Variants in SH2B1 observed in about 807,000 individuals in gnomAD.
The protein encoded by SH2B1 is SH2B adapter protein 1.
A neutral mutation model predicts 62.6 loss-of-function variants in SH2B1; 15 were observed. That is an observed-to-expected ratio of 0.24 (90% CI 0.16 to 0.37). The LOEUF (loss-of-function observed/expected upper bound fraction) is 0.37. SH2B1 is among the 10% of genes least tolerant of loss of function. The pLI is 1.00. For synonymous variants in SH2B1, 443 were observed against 438.0 expected, an observed-to-expected ratio of 1.01 and a Z score of -0.14; for missense variants, 925 against 1,015.6, an observed-to-expected ratio of 0.91 and a Z score of 1.21.
chr16:28,871,895 C>A lies in SH2B1; in HGVS notation c.1425C>A (p.Arg475=). ...TGCTTCCCCCAGAGTTGCCCCCCCG[C>A]ATCCCCATTGAAGAGGGACCCCCAA... ...MELLPPELPP[R]IPIEEGPPTG... Residue 475 remains arginine (R), a synonymous_variant, in exon 5 of 8, where the codon CGC becomes CGA. Coordinates refer to ENST00000684370, the MANE Select transcript of SH2B1 (RefSeq NM_001387430.1). The A allele has an allele frequency of 1.3e-6, 2 of 1,528,550 alleles. No individual in the cohort carries two copies. The highest frequency in any genetic ancestry group is 1.8e-6 in the Non-Finnish European group (2 of 1,102,906). 94.7% of individuals were successfully genotyped at this position (1,528,550 alleles called of 1,614,324 possible).
At chr16:28,857,420 G>A (rs915944493) in intron 1 of SH2B1, among the ~76,000 whole-genome samples, 1 of 151,714 alleles carries the variant, frequency 6.6e-6, no homozygotes, top group African/African-American at 2.4e-5. Flanking sequence ...GCGGGGGGGT[G>A]AAAGGGCAAA....
At chr16:28,852,749 CATATATATGTAT>C (rs1567459121) in intron 1 of SH2B1, among the ~76,000 whole-genome samples, 7 of 37,604 alleles carry the variant, frequency 1.9e-4, no homozygotes, top group South Asian at 2.1e-3. Flanking sequence ...TATATATTTA[CATATATATGTAT>C]ATATATATTT....
intron 2 of SH2B1, among the ~76,000 whole-genome samples, chr16:28,868,585 G>A (rs917453465): frequency 3.3e-5 from 5 of 151,632 alleles, no homozygotes; most frequent in African/African-American, 9.7e-5. Flanking sequence ...TCAGCCTCTC[G>A]AGTAGCTGGG....
upstream of SH2B1, chr16:28,862,490 G>A (rs961066646): frequency 6.6e-6 from 1 of 151,784 alleles, no homozygotes; most frequent in Non-Finnish European, 1.5e-5. Context: ...ATTGCAGATG[G>A]GGTTTCACCA....
At chr16:28,860,572 C>T (rs141727651), upstream of SH2B1, among the ~76,000 whole-genome samples, 176 of 152,146 alleles carry the variant, frequency 1.2e-3, 2 homozygotes, top group African/African-American at 4.1e-3. Flanking sequence ...TCCACTCATT[C>T]CTCAAACCAC....
At position 28,852,759 on chromosome 16, in the gene SH2B1, TATATATATATTTATATATATATTTAC is replaced by T. The variant is rs1567459144; in HGVS notation, c.-301+5941_-301+5966del. ...ACATATATATATTTACATATATATG[TATATATATATTTATATATATATTTAC>T]ATATATATTTACATATATATTTACA... is the stretch of plus-strand genomic sequence containing the variant. On this transcript the variant is annotated intron_variant, in intron 1 of 10. Transcript: ENST00000322610. Among the ~76,000 whole-genome samples the T allele has an allele frequency of 9.1e-4, 17 of 18,760 alleles. 2 individuals carry two copies. The South Asian group carries it at 0.037, about 41-fold the overall frequency. The allele number at this position is 18,760 out of a possible 152,430, so 12.3% of individuals were successfully genotyped here. A position where few individuals can be genotyped will look rare whatever the true frequency, so the allele number is the denominator to read the frequency against.
At chr16:28,852,300 T>A (rs1204790958) in intron 1 of SH2B1, among the ~76,000 whole-genome samples, 2 of 84,620 alleles carry the variant, frequency 2.4e-5, no homozygotes, top group African/African-American at 4.9e-5. Flanking sequence ...ATATATATAT[T>A]TACATATATA....
At chr16:28,871,674 G>A in intron 4 of SH2B1, 106 bp from the exon 5 acceptor site, 1 of 879,358 alleles carries the variant, frequency 1.1e-6, no homozygotes, top group Middle Eastern at 2.1e-4. Context: ...TGGCATCTTG[G>A]CCAGCGACTG....
At position 28,873,010 on chromosome 16, in the gene SH2B1, G is replaced by C; in HGVS notation, c.1897+305G>C. 1 of 645,858 alleles carries C rather than the reference G, an allele frequency of 1.5e-6. No individual in the cohort carries two copies. 40.0% of individuals were successfully genotyped at this position (645,858 alleles called of 1,614,324 possible). On this transcript the variant is annotated intron_variant, in intron 7 of 7. Transcript: ENST00000684370. This position sits in a 1 kb window ranked among gnomAD's most constrained non-coding sequence, Gnocchi z 4.2. ...TGTCTCCTGGACCCATCCTGGCCTC[G>C]TCTTTGCCCTCCGTCGCAGCCTGGC...
chr16:28,855,643 A>AT (rs760328836), intron 1 of SH2B1, among the ~76,000 whole-genome samples: 4 of 140,434 alleles, frequency 2.8e-5, no homozygotes, highest in African/African-American at 7.6e-5. Flanking sequence ...TTATTTATTT[A>AT]TTTATTTTTT....
In SH2B1 at chr16:28,852,501, TA is replaced by T. The variant is rs1247194253; in HGVS notation, c.-301+5675del. Among the ~76,000 whole-genome samples the T allele has an allele frequency of 3.0e-5, 2 of 67,210 alleles. 1 individual carries two copies. The highest frequency in any genetic ancestry group is 9.0e-4 in the East Asian group (2 of 2,210). The allele number at this position is 67,210 out of a possible 152,430, so 44.1% of individuals were successfully genotyped here. A position where few individuals can be genotyped will look rare whatever the true frequency, so the allele number is the denominator to read the frequency against. On this transcript the variant is annotated intron_variant, in intron 1 of 10. Coordinates refer to the SH2B1 transcript ENST00000322610. ...ATATTTATATATACATACATATATT[TA>T]TATATATACACATATATTTATATAT...
rs142515048 is a variant in SH2B1 at position 28,872,654 on chromosome 16, T to C, written c.1846T>C (p.Ser616Pro). The C allele has an allele frequency of 1.8e-4, 284 of 1,614,100 alleles. 3 individuals are homozygous for C. The highest frequency in any genetic ancestry group is 1.1e-3 in the Admixed American group (64 of 59,998). Residue 616 changes from serine (S) to proline (P), a missense_variant, in exon 7 of 8, where the codon TCC (serine) becomes CCC (proline). Coordinates refer to ENST00000684370, the MANE Select transcript of SH2B1 (RefSeq NM_001387430.1). This position sits in a 1 kb window ranked among gnomAD's most constrained non-coding sequence, Gnocchi z 5.3. ...VHPIPLESGGSSDVVLVSYVP... is the reference protein window; with the variant it reads ...VHPIPLESGGPSDVVLVSYVP... ...CCCCATCCCTTTGGAGTCGGGAGGC[T>C]CCAGTGATGTTGTCCTTGTCAGCTA...
At chr16:28,852,785 C>CATATATATGTAT (rs1211653870) in intron 1 of SH2B1, among the ~76,000 whole-genome samples, 2 of 41,666 alleles carry the variant, frequency 4.8e-5, no homozygotes, top group African/African-American at 1.8e-4. Context: ...TATATATTTA[C>CATATATATGTAT]ATATATATTT....
chr16:28,872,942 G>A lies in SH2B1; in HGVS notation c.1897+237G>A. 1 of 648,310 alleles carries A rather than the reference G, an allele frequency of 1.5e-6. No individual in the cohort carries two copies. Among genetic ancestry groups the A allele is most frequent in the South Asian group, 1.9e-5 (1 of 53,042 alleles). The allele number at this position is 648,310 out of a possible 1,614,324, so 40.2% of individuals were successfully genotyped here. On this transcript the variant is annotated intron_variant, in intron 7 of 7. Transcript: ENST00000684370. The surrounding 1 kb of genome is among the most constrained non-coding windows in gnomAD (Gnocchi z 5.3). ...CGGGGCGGCAGCTGAGAGGTGGGCG[G>A]GCGCATCCCCATTCCATCGGATCCT... is the stretch of plus-strand genomic sequence containing the variant.
intron 1 of SH2B1, among the ~76,000 whole-genome samples, chr16:28,847,842 T>G (rs1162129973): frequency 7.5e-6 from 1 of 133,808 alleles, no homozygotes; most frequent in Non-Finnish European, 1.5e-5. Context: ...TTTTTTTTTT[T>G]GGAGACAGAG....
rs1482157135 is a variant in SH2B1, at chr16:28,852,807, TAC to T, written c.-301+5982_-301+5983del. 1.9e-4 allele frequency among the ~76,000 whole-genome samples: 11 copies of T among 56,774 alleles called. 2 individuals carry two copies. Among genetic ancestry groups the T allele is most frequent in the Admixed American group, 9.7e-4 (3 of 3,090 alleles). 37.2% of individuals were successfully genotyped at this position (56,774 alleles called of 152,430 possible). A position where few individuals can be genotyped will look rare whatever the true frequency, so the allele number is the denominator to read the frequency against. On this transcript the variant is annotated intron_variant, in intron 1 of 10. Coordinates refer to the SH2B1 transcript ENST00000322610. ...TTACATATATATTTACATATATATT[TAC>T]ATATATTTACATATATATTTATATA... is the stretch of plus-strand genomic sequence containing the variant.
Position 28,865,149 on chromosome 16 carries a change from C to G in SH2B1, c.-946C>G. On this transcript the variant is annotated 5_prime_UTR_variant, in exon 1 of 8. Coordinates refer to ENST00000684370, the MANE Select transcript of SH2B1 (RefSeq NM_001387430.1). ...AAGGTGAAAAATCCTAGGGCCCCAG[C>G]TCTCCCTGTGATGTTTTGTTTACGT... The G allele has an allele frequency of 1.0e-6, 1 of 985,622 alleles. No individual in the cohort carries two copies. The highest frequency in any genetic ancestry group is 1.2e-6 in the Non-Finnish European group (1 of 829,976). The allele number at this position is 985,622 out of a possible 1,614,324, so 61.1% of individuals were successfully genotyped here. A position where few individuals can be genotyped will look rare whatever the true frequency, so the allele number is the denominator to read the frequency against.
At chr16:28,853,042 ATATT>A (rs1299385520) in intron 1 of SH2B1, among the ~76,000 whole-genome samples, 12 of 101,068 alleles carry the variant, frequency 1.2e-4, no homozygotes, top group Non-Finnish European at 2.1e-4. Context: ...ATGTACATAT[ATATT>A]TATATATGTA....
In SH2B1 at chr16:28,852,226, A is replaced by G. The variant is rs1347204108; in HGVS notation, c.-301+5399A>G. Among the ~76,000 whole-genome samples the G allele has an allele frequency of 8.4e-5, 8 of 95,380 alleles. 1 individual carries two copies. The highest frequency in any genetic ancestry group is 1.2e-4 in the Non-Finnish European group (6 of 49,564). The allele number at this position is 95,380 out of a possible 152,430, so 62.6% of individuals were successfully genotyped here. ...TATTTACATATATATATTTACATATATATTTACATATATATATTTACATAT... is the reference window on the plus strand; with the variant it reads ...TATTTACATATATATATTTACATATGTATTTACATATATATATTTACATAT... On this transcript the variant is annotated intron_variant, in intron 1 of 10. Coordinates refer to the SH2B1 transcript ENST00000322610.
Sources: allele counts gnomAD v4.1 joint callset (sites outside exome capture counted in the v4.1 genomes callset), GRCh38; gene constraint gnomAD v4.1.1; non-coding constraint Gnocchi (gnomAD v3.1); transcripts MANE v1.5; gene names NCBI Gene and HGNC (gene_info 2026-07-23, HGNC 2026-07-21).